ACKR3: variants seen among roughly 807,000 people sequenced by gnomAD.
ACKR3 encodes the protein C-X-C chemokine receptor type 7.
In ACKR3, 6 loss-of-function variants were observed where a neutral mutation model predicts 22.4. The observed-to-expected ratio is 0.27, with a 90% CI of 0.15 to 0.53. The LOEUF is 0.53. Among genes scored for constraint, ACKR3 ranks in the 20% least tolerant of loss-of-function variants. ACKR3 has a pLI of 0.96. For synonymous variants in ACKR3, 209 were observed against 205.2 expected, an observed-to-expected ratio of 1.02 and a Z score of -0.16; for missense variants, 396 against 475.2, an observed-to-expected ratio of 0.83 and a Z score of 1.55.
intron 1 of ACKR3, among the ~76,000 whole-genome samples, chr2:236,576,815 G>A (rs902079864): frequency 4.6e-5 from 7 of 152,248 alleles, no homozygotes; most frequent in African/African-American, 1.7e-4. Context: ...TCTTGTTTCT[G>A]AAACCTAATG....
chr2:236,579,467 CCT>C (rs1175554986), intron 1 of ACKR3, among the ~76,000 whole-genome samples: 1 of 152,126 alleles, frequency 6.6e-6, no homozygotes, highest in Non-Finnish European at 1.5e-5. Flanking sequence ...GAAGACAGCC[CCT>C]GTCAGTCTAT....
chr2:236,581,385 A>C lies in ACKR3; in HGVS notation c.920A>C (p.His307Pro), dbSNP rs1045475305. The change falls in exon 2 of 2, where the codon CAC (histidine) becomes CCC (proline). Residue 307 changes from histidine (H) to proline (P), a missense_variant. By Grantham distance (77) the His-to-Pro change is moderately conservative. Coordinates refer to ENST00000272928, the MANE Select transcript of ACKR3 (RefSeq NM_020311.3). The surrounding 1 kb of genome is among the most constrained non-coding windows in gnomAD (Gnocchi z 4.4). ...GTCACACAGTGCCTGTCGCTGGTGCACTGCTGCGTCAACCCTGTCCTCTAC... is the reference window on the plus strand; with the variant it reads ...GTCACACAGTGCCTGTCGCTGGTGCCCTGCTGCGTCAACCCTGTCCTCTAC... ...LHVTQCLSLV[H>P]CCVNPVLYSF... is the part of the protein sequence containing the mutation. The C allele has an allele frequency of 4.5e-5, 73 of 1,613,906 alleles. No individual in the cohort carries two copies. The highest frequency in any genetic ancestry group is 5.8e-5 in the Non-Finnish European group (68 of 1,180,032).
chr2:236,559,555 C>T, the ACKR3 span, among the ~76,000 whole-genome samples: 4 of 152,126 alleles, frequency 2.6e-5, no homozygotes, highest in Admixed American at 2.0e-4. Flanking sequence ...AGAACTGTAC[C>T]TAAATAGTAT....
chr2:236,537,713 A>G, the ACKR3 span, among the ~76,000 whole-genome samples: 7 of 152,202 alleles, frequency 4.6e-5, no homozygotes, highest in African/African-American at 1.4e-4. Flanking sequence ...ACTATTACTT[A>G]TGAGCCAGAA....
At position 236,574,054 on chromosome 2, in the gene ACKR3, T is replaced by C. The variant is rs1014080548; in HGVS notation, c.-27+4130T>C. On this transcript the variant is annotated intron_variant, in intron 1 of 1. Coordinates refer to ENST00000272928, the MANE Select transcript of ACKR3 (RefSeq NM_020311.3). The surrounding 1 kb of genome is among the most constrained non-coding windows in gnomAD (Gnocchi z 5.6). ...GCTGAAGGGGCATGCACCACCTTGC[T>C]CATGCCTGGGGGGTGATGGGCCTGC... Among the ~76,000 whole-genome samples the C allele has an allele frequency of 6.6e-6, 1 of 151,728 alleles. No individual in the cohort carries two copies. The highest frequency in any genetic ancestry group is 2.4e-5 in the African/African-American group (1 of 41,270).
At chr2:236,552,785 G>A in the ACKR3 span, among the ~76,000 whole-genome samples, 1 of 152,132 alleles carries the variant, frequency 6.6e-6, no homozygotes, top group Non-Finnish European at 1.5e-5. Flanking sequence ...CAGGGAGGGA[G>A]GGGACCCCAG....
At chr2:236,549,500 G>A in the ACKR3 span, among the ~76,000 whole-genome samples, 4 of 152,226 alleles carry the variant, frequency 2.6e-5, no homozygotes, top group Non-Finnish European at 1.5e-5. This position sits in a 1 kb window ranked among gnomAD's most constrained non-coding sequence, Gnocchi z 5.3. Flanking sequence ...TCTTCATGAG[G>A]CCTCTTGACT....
upstream of ACKR3, among the ~76,000 whole-genome samples, chr2:236,567,097 C>T (rs761395402): frequency 6.6e-6 from 1 of 152,152 alleles, no homozygotes; most frequent in Non-Finnish European, 1.5e-5. Flanking sequence ...CTCCGCCTCC[C>T]GGGTTCAAGC....
Position 236,571,637 on chromosome 2 carries a change from A to C in ACKR3, c.-27+1713A>C, listed in dbSNP as rs1393405583. ...CTGAATGAAAAAAAAAAAAAAAAAAAAAAAACCCAAAACAAAAAACCCTGC... is the reference window on the plus strand; with the variant it reads ...CTGAATGAAAAAAAAAAAAAAAAAACAAAAACCCAAAACAAAAAACCCTGC... On this transcript the variant is annotated intron_variant, in intron 1 of 1. Coordinates refer to ENST00000272928, the MANE Select transcript of ACKR3 (RefSeq NM_020311.3). Among the ~76,000 whole-genome samples the C allele has an allele frequency of 4.0e-5, 6 of 151,378 alleles. No homozygotes were observed. The South Asian group carries it at 6.3e-4, about 16-fold the overall frequency.
the ACKR3 span, among the ~76,000 whole-genome samples, chr2:236,560,170 G>A: frequency 1.3e-5 from 2 of 152,112 alleles, no homozygotes; most frequent in East Asian, 3.8e-4. Context: ...ATCCAGAAGT[G>A]GGATTGCTGG....
the ACKR3 span, among the ~76,000 whole-genome samples, chr2:236,556,714 A>G: frequency 6.6e-6 from 1 of 152,168 alleles, no homozygotes; most frequent in Non-Finnish European, 1.5e-5. Context: ...TTTGAGACGG[A>G]GTCTCACTCT....
the ACKR3 span, among the ~76,000 whole-genome samples, chr2:236,556,683 G>A: frequency 6.6e-6 from 1 of 152,194 alleles, no homozygotes; most frequent in African/African-American, 2.4e-5. Context: ...TAATACATCT[G>A]TCTTTTTGTT....
At chr2:236,571,498 G>A (rs1574972966) in intron 1 of ACKR3, among the ~76,000 whole-genome samples, 2 of 152,110 alleles carry the variant, frequency 1.3e-5, no homozygotes, top group East Asian at 1.9e-4. Context: ...ATGCCTGTGC[G>A]ACACACGCAG....
the ACKR3 span, among the ~76,000 whole-genome samples, chr2:236,546,636 G>A: frequency 6.6e-6 from 1 of 152,206 alleles, no homozygotes; most frequent in African/African-American, 2.4e-5. The surrounding 1 kb of genome is among the most constrained non-coding windows in gnomAD (Gnocchi z 4.9). Flanking sequence ...CAGGAAGAGA[G>A]GGTTGGAGAA....
the ACKR3 span, among the ~76,000 whole-genome samples, chr2:236,537,335 G>A: frequency 1.3e-5 from 2 of 152,344 alleles, no homozygotes; most frequent in South Asian, 2.1e-4. Flanking sequence ...GAGCCAGGAG[G>A]AGGCAGAAGC....
the ACKR3 span, among the ~76,000 whole-genome samples, chr2:236,549,997 C>A: frequency 7.9e-5 from 12 of 152,208 alleles, no homozygotes; most frequent in Non-Finnish European, 1.8e-4. This position sits in a 1 kb window ranked among gnomAD's most constrained non-coding sequence, Gnocchi z 5.3. Flanking sequence ...GCTAAGGCTG[C>A]CTGCTGTGGG....
the ACKR3 span, among the ~76,000 whole-genome samples, chr2:236,543,941 G>GTATGTATATATA: frequency 1.7e-5 from 1 of 57,760 alleles, no homozygotes; most frequent in African/African-American, 4.0e-5. Flanking sequence ...TGGGAGAAGG[G>GTATGTATATATA]TATATATATA....
chr2:236,560,187 T>C, the ACKR3 span, among the ~76,000 whole-genome samples: 1 of 152,194 alleles, frequency 6.6e-6, no homozygotes, highest in Non-Finnish European at 1.5e-5. Context: ...CTGGATTATA[T>C]GGTAGTTCTA....
At chr2:236,551,015 C>T in the ACKR3 span, among the ~76,000 whole-genome samples, 2 of 152,180 alleles carry the variant, frequency 1.3e-5, no homozygotes, top group Admixed American at 6.5e-5. Flanking sequence ...GGGACAGTGC[C>T]TTCTTCCCTG....
Sources: allele counts gnomAD v4.1 joint callset (sites outside exome capture counted in the v4.1 genomes callset), GRCh38; gene constraint gnomAD v4.1.1; non-coding constraint Gnocchi (gnomAD v3.1); transcripts MANE v1.5; gene names NCBI Gene and HGNC (gene_info 2026-07-23, HGNC 2026-07-21).